The following ZNF660 variants were observed in gnomAD, a reference collection of about 807,000 sequenced individuals.
ZNF660 encodes zinc finger protein 660.
A neutral mutation model predicts 23.2 loss-of-function variants in ZNF660; 24 were observed. The observed-to-expected ratio is 1.04, with a 90% CI of 0.75 to 1.46. ZNF660 has a LOEUF of 1.46. Ranked by LOEUF, ZNF660 falls within the 40% of genes most tolerant of loss-of-function variation. ZNF660 has a pLI of 0.00. For synonymous variants in ZNF660, 117 were observed against 131.4 expected, an observed-to-expected ratio of 0.89 and a Z score of 0.75; for missense variants, 373 against 396.8, an observed-to-expected ratio of 0.94 and a Z score of 0.51.
intron 2 of ZNF660, among the ~76,000 whole-genome samples, chr3:44,593,486 G>A (rs1223657634): frequency 2.0e-5 from 3 of 152,118 alleles, no homozygotes; most frequent in African/African-American, 7.2e-5. Context: ...GGCTGAGGCA[G>A]GTGGATCACC....
intron 2 of ZNF660, among the ~76,000 whole-genome samples, chr3:44,591,276 A>T (rs1700416020): frequency 6.6e-6 from 1 of 152,122 alleles, no homozygotes; most frequent in Non-Finnish European, 1.5e-5. Flanking sequence ...CTACAGGTGC[A>T]CACCACCATG....
intron 2 of ZNF660, among the ~76,000 whole-genome samples, chr3:44,588,766 C>T (rs1398644701): frequency 5.3e-5 from 8 of 152,090 alleles, no homozygotes; most frequent in African/African-American, 9.7e-5. Flanking sequence ...CCACCGTGCC[C>T]GACCCTCAGT....
intron 2 of ZNF660, among the ~76,000 whole-genome samples, chr3:44,589,959 CTTTTTTT>C (rs397876489): frequency 9.7e-6 from 1 of 102,972 alleles, no homozygotes; most frequent in African/African-American, 3.9e-5. Context: ...AACCCTGTGC[CTTTTTTT>C]TTTTTTTTTT....
At chr3:44,587,683 C>A (rs1700270238) in intron 2 of ZNF660, among the ~76,000 whole-genome samples, 1 of 152,232 alleles carries the variant, frequency 6.6e-6, no homozygotes, top group Non-Finnish European at 1.5e-5. Flanking sequence ...CCACCCTGGG[C>A]TTTCTTACAG....
rs1700696266 is a variant in ZNF660, at chr3:44,598,492, G to GTGT, written c.*3306_*3308dup. The stretch of plus-strand genomic sequence containing the variant: ...TTTATTTATTTATTTATGAGATGGA[G>GTGT]TGTTGCTCTTGTCGCCCAGGCTGGA... On this transcript the variant is annotated 3_prime_UTR_variant, in exon 3 of 3. Transcript: ENST00000322734. 6.7e-6 allele frequency: 1 copy of GTGT among 149,862 alleles called. No homozygotes were observed. The highest frequency in any genetic ancestry group is 6.7e-5 in the Admixed American group (1 of 14,982). 9.3% of individuals were successfully genotyped at this position (149,862 alleles called of 1,614,324 possible).
Position 44,596,203 on chromosome 3 carries a change from A to T in ZNF660, c.*1014A>T, listed in dbSNP as rs1455008523. On this transcript the variant is annotated 3_prime_UTR_variant, in exon 3 of 3. Coordinates refer to ENST00000322734, the MANE Select transcript of ZNF660 (RefSeq NM_173658.4). ...AAAAGTACAAACTTTGGGGTTGGAG[A>T]TATCCATGTTCTAACCCCAGTTCTA... The T allele has an allele frequency of 6.5e-6, 1 of 154,082 alleles. No individual in the cohort carries two copies. The highest frequency in any genetic ancestry group is 2.4e-5 in the African/African-American group (1 of 41,460). 9.5% of individuals were successfully genotyped at this position (154,082 alleles called of 1,614,324 possible). A position where few individuals can be genotyped will look rare whatever the true frequency, so the allele number is the denominator to read the frequency against.
chr3:44,587,754 T>C (rs1282157869), intron 2 of ZNF660, among the ~76,000 whole-genome samples: 3 of 152,220 alleles, frequency 2.0e-5, no homozygotes, highest in Admixed American at 1.3e-4. Context: ...TATTCTTGTG[T>C]TGCTGTAAAG....
At chr3:44,589,507 A>T (rs1575400107) in intron 2 of ZNF660, among the ~76,000 whole-genome samples, 1 of 152,202 alleles carries the variant, frequency 6.6e-6, no homozygotes. Context: ...GCTGAGAGAA[A>T]CGTGAATGTT....
rs1403262968 is a variant in ZNF660, at chr3:44,598,054, A to G, written c.*2865A>G. ...AGAGTTTAGGCATGCAGCTCTTACC[A>G]TCCTTTCAAGCCCTTTCATAATACC... is the stretch of plus-strand genomic sequence containing the variant. On this transcript the variant is annotated 3_prime_UTR_variant, in exon 3 of 3. Transcript: ENST00000322734. 6.6e-6 allele frequency: 1 copy of G among 151,758 alleles called. No individual in the cohort carries two copies. The highest frequency in any genetic ancestry group is 1.5e-5 in the Non-Finnish European group (1 of 68,012). 9.4% of individuals were successfully genotyped at this position (151,758 alleles called of 1,614,324 possible).
At position 44,598,093 on chromosome 3, in the gene ZNF660, GAACT is replaced by G. The variant is rs962227031; in HGVS notation, c.*2905_*2908del. The G allele has an allele frequency of 4.0e-5, 6 of 151,808 alleles. No individual in the cohort carries two copies. Among genetic ancestry groups the G allele is most frequent in the Non-Finnish European group, 8.8e-5 (6 of 68,056 alleles). The allele number at this position is 151,808 out of a possible 1,614,324, so 9.4% of individuals were successfully genotyped here. Reference sequence around the variant, plus strand: ...TTTCATAATACCCTCTGGAAACCAGGAACTGTCTCTTTTAATGTGCTTTCTTTTT... The same window carrying G: ...TTTCATAATACCCTCTGGAAACCAGGGTCTCTTTTAATGTGCTTTCTTTTT... On this transcript the variant is annotated 3_prime_UTR_variant, in exon 3 of 3. Transcript: ENST00000322734.
In ZNF660 at chr3:44,585,678, CTTGT is replaced by C. The variant is rs566355683; in HGVS notation, c.-289-424_-289-421del. 2.0e-4 allele frequency among the ~76,000 whole-genome samples: 30 copies of C among 152,284 alleles called. No individual in the cohort carries two copies. In the East Asian group the frequency reaches 4.4e-3, roughly 23 times the overall value. On this transcript the variant is annotated intron_variant, in intron 1 of 2. Coordinates refer to ENST00000322734, the MANE Select transcript of ZNF660 (RefSeq NM_173658.4). ...TCTTTTTCTAGTGCTCTTTTAAAGA[CTTGT>C]TTCTTTCTGTCTTCCTAAAGACACT...
intron 2 of ZNF660, among the ~76,000 whole-genome samples, chr3:44,586,866 A>C (rs1700239057): frequency 6.6e-6 from 1 of 152,208 alleles, no homozygotes; most frequent in South Asian, 2.1e-4. Context: ...ATCTCATGGG[A>C]ACTGCTCTCT....
intron 2 of ZNF660, among the ~76,000 whole-genome samples, chr3:44,590,793 A>G (rs184343860): frequency 5.3e-5 from 8 of 152,348 alleles, no homozygotes; most frequent in Admixed American, 4.6e-4. Flanking sequence ...CACTTGCTCT[A>G]CTGCTCTGCA....
Position 44,586,133 on chromosome 3 carries a change from C to A in ZNF660, c.-261C>A, listed in dbSNP as rs1481456119. The A allele has an allele frequency of 6.6e-6, 1 of 152,198 alleles. No homozygotes were observed. Among genetic ancestry groups the A allele is most frequent in the East Asian group, 1.9e-4 (1 of 5,190 alleles). 9.4% of individuals were successfully genotyped at this position (152,198 alleles called of 1,614,324 possible). On this transcript the variant is annotated 5_prime_UTR_variant, in exon 2 of 3. Transcript: ENST00000322734. The stretch of plus-strand genomic sequence containing the variant: ...CTCAAGACCCTCTTAGGAACTTCTT[C>A]ACTGAACTCAAGGAGGAGATCAGGC...
intron 2 of ZNF660, among the ~76,000 whole-genome samples, chr3:44,588,334 C>T (rs1700297620): frequency 6.6e-6 from 1 of 151,952 alleles, no homozygotes; most frequent in African/African-American, 2.4e-5. Context: ...AGGACAGAAC[C>T]AAGAGGATGA....
intron 1 of ZNF660, among the ~76,000 whole-genome samples, chr3:44,585,692 T>C (rs994343878): frequency 3.3e-5 from 5 of 152,198 alleles, no homozygotes; most frequent in African/African-American, 9.6e-5. Context: ...TTTCTTTCTG[T>C]CTTCCTAAAG....
intron 2 of ZNF660, among the ~76,000 whole-genome samples, chr3:44,590,544 T>C (rs984510745): frequency 6.6e-6 from 1 of 152,144 alleles, no homozygotes; most frequent in Admixed American, 6.5e-5. Context: ...TACAGTCACA[T>C]TGGGGGTTAG....
rs745707588 is a variant in ZNF660 at position 44,594,441 on chromosome 3, G to A, written c.248G>A (p.Cys83Tyr). ...GAGAAACCCTATAAGTGTAAGGAGT[G>A]TGGAAAAGCTTTCAGTCATAGCTCT... ...TGEKPYKCKE[C>Y]GKAFSHSSNL... Residue 83 changes from cysteine to tyrosine, a missense_variant, in exon 3 of 3, where the codon TGT becomes TAT. Transcript: ENST00000322734. 4.0e-5 allele frequency: 65 copies of A among 1,614,016 alleles called. 2 individuals carry two copies. In the South Asian group the frequency reaches 7.1e-4, roughly 18 times the overall value.
In ZNF660 at chr3:44,599,631, T is replaced by C. The variant is rs1275479199; in HGVS notation, c.*4442T>C. On this transcript the variant is annotated 3_prime_UTR_variant, in exon 3 of 3. Transcript: ENST00000322734. Reference sequence around the variant, plus strand: ...AGCCTCTGATGTTATAAAACTGGAGTCATGAAATTGTTTTGCAGGAAGTAG... The same window carrying C: ...AGCCTCTGATGTTATAAAACTGGAGCCATGAAATTGTTTTGCAGGAAGTAG... The C allele has an allele frequency of 6.6e-6, 1 of 152,068 alleles. No homozygotes were observed. 9.4% of individuals were successfully genotyped at this position (152,068 alleles called of 1,614,324 possible). A position where few individuals can be genotyped will look rare whatever the true frequency, so the allele number is the denominator to read the frequency against.
Sources: allele counts gnomAD v4.1 joint callset (sites outside exome capture counted in the v4.1 genomes callset), GRCh38; gene constraint gnomAD v4.1.1; transcripts MANE v1.5; gene names NCBI Gene and HGNC (gene_info 2026-07-23, HGNC 2026-07-21).